Variants in APLP2 observed in about 807,000 individuals in gnomAD.
APLP2 encodes the protein amyloid beta precursor like protein 2, also known as CDEI box-binding protein.
A neutral mutation model predicts 89.9 loss-of-function variants in APLP2; 53 were observed. The ratio of observed to expected loss-of-function variants is 0.59; its 90% CI spans 0.47 to 0.74. The LOEUF (loss-of-function observed/expected upper bound fraction) is 0.74, where lower values mean the gene tolerates loss of function less well. APLP2 is among the 30% of genes least tolerant of loss of function. APLP2 has a pLI of 0.00. For synonymous variants in APLP2, 372 were observed against 348.6 expected, an observed-to-expected ratio of 1.07 and a Z score of -0.75; for missense variants, 973 against 975.9, an observed-to-expected ratio of 1.00 and a Z score of 0.04.
intron 3 of APLP2, among the ~76,000 whole-genome samples, chr11:130,119,458 G>A (rs763099645): frequency 5.3e-5 from 8 of 152,112 alleles, no homozygotes; most frequent in African/African-American, 1.4e-4. Flanking sequence ...CGATGATACC[G>A]TTCACCCTCA....
At chr11:130,072,699 A>G (rs892931485) in intron 1 of APLP2, among the ~76,000 whole-genome samples, 50 of 152,204 alleles carry the variant, frequency 3.3e-4, no homozygotes, top group African/African-American at 1.1e-3. Flanking sequence ...CTGGTCTGGA[A>G]CACCTGATCT....
intron 13 of APLP2, 144 bp downstream of exon 13, chr11:130,135,859 G>A (rs990171560): frequency 1.4e-5 from 14 of 1,006,032 alleles, no homozygotes; most frequent in African/African-American, 9.7e-5. Context: ...TTCATTGAGC[G>A]CCTACTGTGT....
chr11:130,090,921 G>A (rs867043505), intron 1 of APLP2, among the ~76,000 whole-genome samples: 2,414 of 68,244 alleles, frequency 0.035, no homozygotes, highest in African/African-American at 0.1. Context: ...CCTCCCGGAC[G>A]GGGCGGCTGG....
At position 130,070,887 on chromosome 11, in the gene APLP2, C is replaced by T. The variant is rs1380978591; in HGVS notation, c.105+805C>T. The stretch of plus-strand genomic sequence containing the variant: ...CTTCGAGGTCGCACCCTGAGCATCC[C>T]CGCTGCGAGAAAGGCGAAGCGGCAG... On this transcript the variant is annotated intron_variant, in intron 1 of 16. Coordinates refer to ENST00000338167, the MANE Select transcript of APLP2 (RefSeq NM_001142276.2). 1.6e-5 allele frequency: 14 copies of T among 866,066 alleles called. No homozygotes were observed. In the South Asian group the frequency reaches 3.8e-4, roughly 23 times the overall value. 53.6% of individuals were successfully genotyped at this position (866,066 alleles called of 1,614,324 possible). A position where few individuals can be genotyped will look rare whatever the true frequency, so the allele number is the denominator to read the frequency against.
chr11:130,121,217 G>T (rs749375809), intron 4 of APLP2, among the ~76,000 whole-genome samples: 11 of 152,180 alleles, frequency 7.2e-5, no homozygotes, highest in Non-Finnish European at 1.2e-4. Flanking sequence ...ACCCTTTCTT[G>T]TCTTCTGTAA....
At chr11:130,140,292 C>A in intron 13 of APLP2, 106 bp from the exon 14 acceptor site, 2 of 723,780 alleles carry the variant, frequency 2.8e-6, no homozygotes, top group Non-Finnish European at 4.5e-6. Context: ...TGGGGAGGTG[C>A]GTGTTGAGGG....
At position 130,121,820 on chromosome 11, in the gene APLP2, C is replaced by T. The variant is rs560817140; in HGVS notation, c.713+10C>T. On this transcript the variant is annotated intron_variant, in intron 5 of 16. Coordinates refer to ENST00000338167, the MANE Select transcript of APLP2 (RefSeq NM_001142276.2). ...ATGATGTTTATAAAAGGTAACTCTT[C>T]TACTTTGAACTGTGAAGTCGTTTTG... The T allele has an allele frequency of 6.2e-7, 1 of 1,605,084 alleles. No individual in the cohort carries two copies. Among genetic ancestry groups the T allele is most frequent in the Non-Finnish European group, 8.5e-7 (1 of 1,179,078 alleles).
chr11:130,098,908 ATATTT>A (rs924805837), intron 1 of APLP2, among the ~76,000 whole-genome samples: 17 of 137,742 alleles, frequency 1.2e-4, no homozygotes, highest in Middle Eastern at 7.1e-3. Flanking sequence ...TAGAATAAAC[ATATTT>A]TATTATTAAT....
chr11:130,127,810 C>T lies in APLP2; in HGVS notation c.1266C>T (p.Leu422=). The change falls in exon 9 of 17, where the codon CTC becomes CTT. Residue 422 remains leucine (L), a synonymous_variant. Coordinates refer to ENST00000338167, the MANE Select transcript of APLP2 (RefSeq NM_001142276.2). ...AGGCAGAGCTTCAAGCTAAGAACCT[C>T]CCCAAAGCAGAGAGGCAGACTCTGA... is the stretch of plus-strand genomic sequence containing the variant. ...WEEAELQAKN[L]PKAERQTLIQ... 1 of 1,614,122 alleles carries T rather than the reference C, an allele frequency of 6.2e-7. No homozygotes were observed. Among genetic ancestry groups the T allele is most frequent in the South Asian group, 1.1e-5 (1 of 91,060 alleles).
intron 1 of APLP2, among the ~76,000 whole-genome samples, chr11:130,071,976 C>T (rs1370571862): frequency 2.0e-5 from 3 of 152,198 alleles, no homozygotes; most frequent in Non-Finnish European, 4.4e-5. Context: ...TGGCCTAAAT[C>T]AGGATGTCTT....
intron 1 of APLP2, among the ~76,000 whole-genome samples, chr11:130,091,799 CG>C (rs1362541656): frequency 4.0e-5 from 6 of 149,040 alleles, no homozygotes; most frequent in Admixed American, 6.6e-5. Flanking sequence ...CCGGATGGGG[CG>C]GCTGGTCGGG....
At position 130,075,865 on chromosome 11, in the gene APLP2, C is replaced by A. The variant is rs1052923241; in HGVS notation, c.105+5783C>A. 4.6e-5 allele frequency among the ~76,000 whole-genome samples: 7 copies of A among 152,234 alleles called. No homozygotes were observed. The South Asian group carries it at 1.5e-3, about 32-fold the overall frequency. On this transcript the variant is annotated intron_variant, in intron 1 of 16. Coordinates refer to ENST00000338167, the MANE Select transcript of APLP2 (RefSeq NM_001142276.2). Reference sequence around the variant, plus strand: ...TCATGTCTACCTGTCTTTCCCATTACCAAAACCTGGTATGAGTGTTTCCCT... The same window carrying A: ...TCATGTCTACCTGTCTTTCCCATTAACAAAACCTGGTATGAGTGTTTCCCT...
Position 130,070,056 on chromosome 11 carries a change from G to T in APLP2, c.79G>T (p.Ala27Ser). The stretch of plus-strand genomic sequence containing the variant: ...GCTGCTGGTGGGGCTCACGGCGCCT[G>T]CCTTGGCGCTGGCCGGCTACATCGA... ...LLLLVGLTAPALALAGYIEAL... is the reference protein window; with the variant it reads ...LLLLVGLTAPSLALAGYIEAL... Residue 27 changes from alanine to serine, a missense_variant, in exon 1 of 17, where the codon GCC becomes TCC. Ala to Ser is a moderately conservative substitution (Grantham distance 99). Transcript: ENST00000338167. 6.7e-7 allele frequency: 1 copy of T among 1,495,870 alleles called. No individual in the cohort carries two copies. Among genetic ancestry groups the T allele is most frequent in the Non-Finnish European group, 8.8e-7 (1 of 1,131,196 alleles). 92.7% of individuals were successfully genotyped at this position (1,495,870 alleles called of 1,614,324 possible).
At chr11:130,138,231 C>T (rs993393058) in intron 13 of APLP2, among the ~76,000 whole-genome samples, 3 of 152,164 alleles carry the variant, frequency 2.0e-5, no homozygotes, top group Admixed American at 6.5e-5. Context: ...CGGTGTTGCC[C>T]GGCTAAGAAG....
chr11:130,133,592 C>G (rs144008358), intron 11 of APLP2, 37 bp from the exon 12 acceptor site: 3 of 1,525,256 alleles, frequency 2.0e-6, no homozygotes, highest in Non-Finnish European at 2.7e-6. Context: ...TAGTTGTTTT[C>G]AGTCACAACA....
intron 1 of APLP2, among the ~76,000 whole-genome samples, chr11:130,094,811 A>G (rs1945971496): frequency 6.6e-6 from 1 of 152,194 alleles, no homozygotes. Context: ...AGGAATTTTC[A>G]GGACTCATGA....
At chr11:130,092,762 GT>G (rs1389924140) in intron 1 of APLP2, among the ~76,000 whole-genome samples, 4 of 151,786 alleles carry the variant, frequency 2.6e-5, no homozygotes, top group Admixed American at 6.6e-5. Flanking sequence ...ATACCACTTA[GT>G]TTGCAATACA....
rs1200353553 is a variant in APLP2 at position 130,098,738 on chromosome 11, G to A, written c.106-10691G>A. Among the ~76,000 whole-genome samples the A allele has an allele frequency of 3.9e-5, 6 of 152,230 alleles. No homozygotes were observed. The East Asian group carries it at 9.7e-4, about 24-fold the overall frequency. ...TGCTTAATCTGATTTTTAGTGACTG[G>A]CTTAATGCATATAAAAACAAAGTAT... On this transcript the variant is annotated intron_variant, in intron 1 of 16. Transcript: ENST00000338167.
Position 130,135,459 on chromosome 11 carries a change from G to A in APLP2, c.1685-104G>A, listed in dbSNP as rs1951460155. 2.3e-6 allele frequency: 3 copies of A among 1,325,242 alleles called. No individual in the cohort carries two copies. In the East Asian group the frequency reaches 7.1e-5, roughly 31 times the overall value. The allele number at this position is 1,325,242 out of a possible 1,614,324, so 82.1% of individuals were successfully genotyped here. On this transcript the variant is annotated intron_variant, in intron 12 of 16. Transcript: ENST00000338167. ...AGAATCAAGGAAGGTGTTTCAGGCAGGAACTGGGAGCCACAGTGGGGTCTT... is the reference window on the plus strand; with the variant it reads ...AGAATCAAGGAAGGTGTTTCAGGCAAGAACTGGGAGCCACAGTGGGGTCTT...
Sources: gnomAD v4.1 joint callset for allele counts (sites outside exome capture counted in the v4.1 genomes callset) on GRCh38, gnomAD v4.1.1 for gene constraint, MANE v1.5 for transcripts, NCBI Gene and HGNC (gene_info 2026-07-23, HGNC 2026-07-21) for gene names.